Variants in SERGEF observed in about 807,000 individuals in gnomAD.
SERGEF encodes the protein secretion-regulating guanine nucleotide exchange factor.
In SERGEF, 51 loss-of-function variants were observed where a neutral mutation model predicts 50.0. The observed-to-expected ratio is 1.02, with a 90% CI of 0.81 to 1.29. SERGEF has a LOEUF of 1.29. Ranked by LOEUF, SERGEF falls within the 50% of genes most tolerant of loss-of-function variation. SERGEF has a pLI of 0.00. For missense variants in SERGEF, 521 were observed against 557.0 expected, an observed-to-expected ratio of 0.94 and a Z score of 0.65; for synonymous variants, 205 against 212.4, an observed-to-expected ratio of 0.97 and a Z score of 0.30.
intron 10 of SERGEF, among the ~76,000 whole-genome samples, chr11:17,871,602 A>T (rs1295578254): frequency 6.6e-6 from 1 of 152,220 alleles, no homozygotes; most frequent in Non-Finnish European, 1.5e-5. Flanking sequence ...AACCCAACTT[A>T]AAACAATGGG....
chr11:18,000,637 C>G, intron 4 of SERGEF, 80 bp from the exon 5 acceptor site: 1 of 998,204 alleles, frequency 1.0e-6, no homozygotes, highest in Non-Finnish European at 1.6e-6. Context: ...AAATACAATG[C>G]AGTACGGTCC....
intron 10 of SERGEF, among the ~76,000 whole-genome samples, chr11:17,867,563 C>A (rs950643166): frequency 2.0e-5 from 3 of 152,144 alleles, no homozygotes; most frequent in Admixed American, 1.3e-4. Context: ...GTGGATCTAC[C>A]ATTCTGGGGC....
At chr11:17,927,488 G>A (rs191554277) in intron 9 of SERGEF, among the ~76,000 whole-genome samples, 101 of 152,318 alleles carry the variant, frequency 6.6e-4, no homozygotes, top group Non-Finnish European at 1.0e-3. Context: ...GATCAGCAGA[G>A]GAAAAGCACA....
intron 10 of SERGEF, among the ~76,000 whole-genome samples, chr11:17,842,601 T>C (rs77902362): frequency 0.033 from 5,054 of 152,280 alleles, 135 homozygotes; most frequent in Non-Finnish European, 0.055. Context: ...GGGCCAGGAT[T>C]TGAACCTTGG....
chr11:17,993,247 T>C (rs1012911207), intron 6 of SERGEF, among the ~76,000 whole-genome samples: 6 of 152,148 alleles, frequency 3.9e-5, no homozygotes, highest in Non-Finnish European at 8.8e-5. Context: ...GGAGGAAAGG[T>C]ATAGATATGA....
intron 10 of SERGEF, among the ~76,000 whole-genome samples, chr11:17,853,195 T>C (rs764106570): frequency 6.6e-6 from 1 of 150,864 alleles, no homozygotes; most frequent in Non-Finnish European, 1.5e-5. Flanking sequence ...GATGACTAAA[T>C]AGAAAAAAAA....
chr11:17,953,185 T>C (rs1418594869), intron 9 of SERGEF, among the ~76,000 whole-genome samples: 1 of 150,930 alleles, frequency 6.6e-6, no homozygotes, highest in African/African-American at 2.4e-5. Flanking sequence ...TGCCAGACTC[T>C]CTTAAAGCCT....
At chr11:17,849,557 T>C (rs961881347) in intron 10 of SERGEF, among the ~76,000 whole-genome samples, 2 of 151,980 alleles carry the variant, frequency 1.3e-5, no homozygotes, top group African/African-American at 4.8e-5. Flanking sequence ...GCCAATCCCT[T>C]GTACCTTCTA....
rs189133143 is a variant in SERGEF at position 17,970,805 on chromosome 11, C to T, written c.845-11169G>A. Among the ~76,000 whole-genome samples, 7 of 152,208 alleles carry T rather than the reference C, an allele frequency of 4.6e-5. No homozygotes were observed. The East Asian group carries it at 1.2e-3, about 25-fold the overall frequency. ...GCCAAAGCCTAAACCAGAGCAAGGC[C>T]TTAACTCTCTTCCATTGTAGGAAGG... is the stretch of plus-strand genomic sequence containing the variant. On this transcript the variant is annotated intron_variant, in intron 8 of 10. Coordinates refer to ENST00000265965, the MANE Select transcript of SERGEF (RefSeq NM_012139.4).
At chr11:17,818,005 C>T (rs987831486) in intron 10 of SERGEF, among the ~76,000 whole-genome samples, 5 of 152,216 alleles carry the variant, frequency 3.3e-5, no homozygotes, top group Non-Finnish European at 5.9e-5. Context: ...TTCCAAACCA[C>T]TCTATGCATA....
chr11:17,858,534 C>T (rs2133880111), intron 10 of SERGEF, among the ~76,000 whole-genome samples: 1 of 152,212 alleles, frequency 6.6e-6, no homozygotes, highest in East Asian at 1.9e-4. Context: ...CTCATCAGTC[C>T]AAACATCTTA....
chr11:17,939,929 T>G (rs1250788879), intron 9 of SERGEF, among the ~76,000 whole-genome samples: 1 of 152,220 alleles, frequency 6.6e-6, no homozygotes, highest in Non-Finnish European at 1.5e-5. Context: ...CAAGCAAGAA[T>G]GTCACCAATA....
chr11:17,789,413 T>C (rs4757589), intron 10 of SERGEF, among the ~76,000 whole-genome samples: 60,603 of 152,106 alleles, frequency 0.4, 13,723 homozygotes, highest in East Asian at 0.73. Context: ...AACAGGTGTT[T>C]ACTGAATAGA....
At chr11:17,989,309 A>G (rs1853662310) in intron 7 of SERGEF, among the ~76,000 whole-genome samples, 1 of 152,226 alleles carries the variant, frequency 6.6e-6, no homozygotes, top group African/African-American at 2.4e-5. Flanking sequence ...AAAGTGACTG[A>G]CTGACATTGT....
At chr11:17,831,207 G>A (rs994505098) in intron 10 of SERGEF, among the ~76,000 whole-genome samples, 5 of 152,218 alleles carry the variant, frequency 3.3e-5, no homozygotes, top group Admixed American at 2.6e-4. Context: ...AGCAGGATGA[G>A]ATAGAGCCCA....
chr11:17,945,924 G>A (rs1852650206), intron 9 of SERGEF, among the ~76,000 whole-genome samples: 1 of 151,332 alleles, frequency 6.6e-6, no homozygotes, highest in Non-Finnish European at 1.5e-5. Context: ...GTTGCAGTGA[G>A]CCGAGATCAC....
intron 9 of SERGEF, among the ~76,000 whole-genome samples, chr11:17,903,856 C>T (rs537366704): frequency 8.5e-5 from 13 of 152,168 alleles, no homozygotes; most frequent in South Asian, 2.1e-4. Context: ...AGAGGACAGC[C>T]GTGGAGAAAA....
At chr11:17,909,589 G>T (rs1469053728) in intron 9 of SERGEF, among the ~76,000 whole-genome samples, 1 of 152,182 alleles carries the variant, frequency 6.6e-6, no homozygotes, top group African/African-American at 2.4e-5. Flanking sequence ...TCAGAATATA[G>T]ATGTCTTCTT....
At chr11:17,974,126 C>T (rs903579860) in intron 8 of SERGEF, among the ~76,000 whole-genome samples, 2 of 152,128 alleles carry the variant, frequency 1.3e-5, no homozygotes, top group Admixed American at 1.3e-4. Context: ...CCAGGGCAGA[C>T]CCAGGATGGG....
Sources: allele counts gnomAD v4.1 joint callset (sites outside exome capture counted in the v4.1 genomes callset), GRCh38; gene constraint gnomAD v4.1.1; transcripts MANE v1.5; gene names NCBI Gene and HGNC (gene_info 2026-07-23, HGNC 2026-07-21).